SLC35D4: variants seen among roughly 807,000 people sequenced by gnomAD.
SLC35D4 encodes the protein solute carrier family 35 member D4.
At chr18:23,363,467 C>T in the SLC35D4 span, among the ~76,000 whole-genome samples, 27 of 147,762 alleles carry the variant, frequency 1.8e-4, no homozygotes, top group South Asian at 5.3e-3. Context: ...CTCCGCCTCC[C>T]GGGTTCACGC....
chr18:23,249,266 C>T, the SLC35D4 span, among the ~76,000 whole-genome samples: 4 of 152,194 alleles, frequency 2.6e-5, no homozygotes, highest in South Asian at 2.1e-4. Flanking sequence ...TTCCAGCCTC[C>T]GTAGCACAAC....
the SLC35D4 span, among the ~76,000 whole-genome samples, chr18:23,388,068 C>G: frequency 6.6e-6 from 1 of 152,174 alleles, no homozygotes; most frequent in Non-Finnish European, 1.5e-5. Context: ...CTGGATCTTA[C>G]TGAATTAAGA....
chr18:23,390,706 A>G, the SLC35D4 span, among the ~76,000 whole-genome samples: 6 of 152,216 alleles, frequency 3.9e-5, 1 homozygote, highest in South Asian at 1.2e-3. Flanking sequence ...GGCTTCGGTC[A>G]CTCTACAGAG....
the SLC35D4 span, among the ~76,000 whole-genome samples, chr18:23,435,810 C>G: frequency 7.9e-5 from 12 of 152,226 alleles, no homozygotes; most frequent in Non-Finnish European, 1.5e-5. Context: ...ATTCTCATGC[C>G]TCAGCCTCCT....
At chr18:23,258,104 G>C in the SLC35D4 span, 1 of 152,304 alleles carries the variant, frequency 6.6e-6, no homozygotes, top group African/African-American at 2.4e-5. Flanking sequence ...CCACCAAGGG[G>C]ATAAAGAAGG....
At chr18:23,403,783 G>C in the SLC35D4 span, among the ~76,000 whole-genome samples, 2 of 152,154 alleles carry the variant, frequency 1.3e-5, no homozygotes, top group Non-Finnish European at 2.9e-5. Flanking sequence ...CTGGATCAAG[G>C]ATCCTTTCCT....
At chr18:23,332,295 G>A in the SLC35D4 span, among the ~76,000 whole-genome samples, 1 of 152,130 alleles carries the variant, frequency 6.6e-6, no homozygotes, top group Non-Finnish European at 1.5e-5. Context: ...ATAGCTTTTA[G>A]TATACTCACA....
At chr18:23,399,874 C>A in the SLC35D4 span, among the ~76,000 whole-genome samples, 1 of 152,176 alleles carries the variant, frequency 6.6e-6, no homozygotes, top group Non-Finnish European at 1.5e-5. Flanking sequence ...CCTAAGAGAT[C>A]CCAGAAATGG....
the SLC35D4 span, among the ~76,000 whole-genome samples, chr18:23,313,462 G>A: frequency 1.1e-4 from 16 of 152,198 alleles, no homozygotes; most frequent in East Asian, 9.7e-4. Flanking sequence ...ACTGGTGTGA[G>A]TGTGTGACAA....
the SLC35D4 span, among the ~76,000 whole-genome samples, chr18:23,304,068 A>AT: frequency 6.7e-6 from 1 of 150,344 alleles, no homozygotes; most frequent in Non-Finnish European, 1.5e-5. Context: ...AAAAAAAAAA[A>AT]AATCATCCTG....
chr18:23,431,620 T>C, the SLC35D4 span, among the ~76,000 whole-genome samples: 1 of 152,222 alleles, frequency 6.6e-6, no homozygotes, highest in Non-Finnish European at 1.5e-5. Flanking sequence ...TTGCATTAAA[T>C]GATTTTTTCA....
chr18:23,424,856 C>T, the SLC35D4 span, among the ~76,000 whole-genome samples: 1 of 152,046 alleles, frequency 6.6e-6, no homozygotes. Flanking sequence ...CCTGCCTCTA[C>T]AAAAACAAAC....
At chr18:23,273,204 G>C in the SLC35D4 span, among the ~76,000 whole-genome samples, 1 of 152,220 alleles carries the variant, frequency 6.6e-6, no homozygotes, top group Non-Finnish European at 1.5e-5. Flanking sequence ...ATAGCCAACA[G>C]AGAGAGATCC....
At chr18:23,252,085 C>CA in the SLC35D4 span, among the ~76,000 whole-genome samples, 394 of 72,106 alleles carry the variant, frequency 5.5e-3, 4 homozygotes, top group South Asian at 0.015. Flanking sequence ...GACTCCGTCT[C>CA]AAAAAAAAAA....
the SLC35D4 span, chr18:23,253,998 A>C: frequency 6.2e-6 from 9 of 1,445,950 alleles, no homozygotes; most frequent in South Asian, 1.2e-5. Context: ...TTCCTCTCTC[A>C]GAAGGATTCG....
the SLC35D4 span, among the ~76,000 whole-genome samples, chr18:23,375,508 T>C: frequency 4.6e-5 from 7 of 152,338 alleles, no homozygotes; most frequent in East Asian, 1.3e-3. Context: ...GAAGAATACA[T>C]GAGAGCTCAC....
chr18:23,335,236 G>A, the SLC35D4 span, among the ~76,000 whole-genome samples: 6 of 152,160 alleles, frequency 3.9e-5, no homozygotes, highest in Admixed American at 1.3e-4. Flanking sequence ...TCACAAAATT[G>A]TACCAAGTAA....
chr18:23,394,166 T>C, the SLC35D4 span, among the ~76,000 whole-genome samples: 2 of 152,222 alleles, frequency 1.3e-5, no homozygotes, highest in Non-Finnish European at 2.9e-5. Flanking sequence ...CACTGTGCAT[T>C]CCCACCCGTG....
At chr18:23,326,910 G>T in the SLC35D4 span, among the ~76,000 whole-genome samples, 1 of 151,752 alleles carries the variant, frequency 6.6e-6, no homozygotes, top group African/African-American at 2.4e-5. Flanking sequence ...ACTCAAAACC[G>T]CACAACTGGA....
Sources: allele counts gnomAD v4.1 joint callset (sites outside exome capture counted in the v4.1 genomes callset), GRCh38; gene constraint gnomAD v4.1.1; transcripts MANE v1.5; gene names NCBI Gene and HGNC (gene_info 2026-07-23, HGNC 2026-07-21).